SLC7A13: variants seen among roughly 807,000 people sequenced by gnomAD.
SLC7A13 encodes X-amino acid transporter 2.
In SLC7A13, 31 loss-of-function variants were observed where a neutral mutation model predicts 32.0. The observed-to-expected ratio is 0.97, with a 90% CI of 0.73 to 1.31. The LOEUF is 1.31. SLC7A13 is among the 50% of genes most tolerant of loss of function. The probability of loss-of-function intolerance (pLI) is 0.00; values close to 1 mark genes in which losing one functional copy is unlikely to be tolerated. For missense variants in SLC7A13, 633 were observed against 546.9 expected (o/e 1.16, Z -1.57); for synonymous variants, 232 against 206.9 (o/e 1.12, Z -1.04).
rs1200579727 is a variant in SLC7A13 at position 86,217,508 on chromosome 8, G to A, written c.1141C>T (p.Arg381Trp). The A allele has an allele frequency of 5.4e-5, 87 of 1,598,178 alleles. No homozygotes were observed. The highest frequency in any genetic ancestry group is 1.8e-4 in the Middle Eastern group (1 of 5,620). ...GATAGATTGGGTTCCTGGTATCTCC[G>A]CCTTAGTATTCCTATCATTAATAAT... Reference protein sequence around the residue: ...SILLMIGILRRRYQEPNLSIP... With the variant: ...SILLMIGILRWRYQEPNLSIP... Residue 381 changes from arginine to tryptophan, a missense_variant, in exon 3 of 4, where the codon CGG becomes TGG. Coordinates refer to ENST00000297524, the MANE Select transcript of SLC7A13 (RefSeq NM_138817.3).
chr8:86,224,988 CA>C (rs34643723), intron 1 of SLC7A13, among the ~76,000 whole-genome samples: 19,160 of 151,962 alleles, frequency 0.13, 1,432 homozygotes, highest in Admixed American at 0.2. Context: ...CTAGGCCTCC[CA>C]AAGTGCAGAT....
intron 2 of SLC7A13, among the ~76,000 whole-genome samples, chr8:86,220,496 A>G (rs983923731): frequency 1.3e-5 from 2 of 152,126 alleles, no homozygotes; most frequent in Non-Finnish European, 2.9e-5. Context: ...CATGATTAAT[A>G]CCATTCTTTC....
chr8:86,224,310 C>T (rs1820353829), intron 1 of SLC7A13, among the ~76,000 whole-genome samples: 1 of 152,070 alleles, frequency 6.6e-6, no homozygotes, highest in Admixed American at 6.6e-5. Flanking sequence ...ATGTTCTTTC[C>T]TAGTTGCCTA....
In SLC7A13 at chr8:86,228,846, C is replaced by CA. The variant is rs756084961; in HGVS notation, c.685+746dup. Among the ~76,000 whole-genome samples the CA allele has an allele frequency of 2.5e-3, 348 of 138,316 alleles. 3 individuals are homozygous for CA. The highest frequency in any genetic ancestry group is 7.2e-3 in the Middle Eastern group (2 of 278). The allele number at this position is 138,316 out of a possible 152,430, so 90.7% of individuals were successfully genotyped here. A position where few individuals can be genotyped will look rare whatever the true frequency, so the allele number is the denominator to read the frequency against. On this transcript the variant is annotated intron_variant, in intron 1 of 3. Coordinates refer to ENST00000297524, the MANE Select transcript of SLC7A13 (RefSeq NM_138817.3). ...GGGCAACAAGAGGAAAACTCTGTCT[C>CA]AAAAAAAAAAAAAATCTGAGGAGAG...
Position 86,230,290 on chromosome 8 carries a change from GT to G in SLC7A13, c.-14del. Reference sequence around the variant, plus strand: ...CCCCTCTATCCATTGTAATTGAAGAGTTTTAAAATTCTATATAAATTACAAT... The same window carrying G: ...CCCCTCTATCCATTGTAATTGAAGAGTTTAAAATTCTATATAAATTACAAT... On this transcript the variant is annotated 5_prime_UTR_variant, in exon 1 of 4. Coordinates refer to ENST00000297524, the MANE Select transcript of SLC7A13 (RefSeq NM_138817.3). The G allele has an allele frequency of 1.3e-6, 2 of 1,522,984 alleles. No homozygotes were observed. The highest frequency in any genetic ancestry group is 1.8e-6 in the Non-Finnish European group (2 of 1,137,868). The allele number at this position is 1,522,984 out of a possible 1,614,324, so 94.3% of individuals were successfully genotyped here. A position where few individuals can be genotyped will look rare whatever the true frequency, so the allele number is the denominator to read the frequency against.
Position 86,223,084 on chromosome 8 carries a change from TC to T in SLC7A13, c.704del (p.Arg235LysfsTer15). 1.2e-6 allele frequency: 2 copies of T among 1,601,650 alleles called. No homozygotes were observed. The highest frequency in any genetic ancestry group is 1.7e-6 in the Non-Finnish European group (2 of 1,174,314). On this transcript the variant is annotated frameshift_variant, in exon 2 of 4. Coordinates refer to ENST00000297524, the MANE Select transcript of SLC7A13 (RefSeq NM_138817.3). LOFTEE classifies it high-confidence loss of function. ...TAAATATGCATTTGGGAATTGTTGTTCTGGGCTTCTTCAGCTCCCCTATAAC... is the reference window on the plus strand; with the variant it reads ...TAAATATGCATTTGGGAATTGTTGTTTGGGCTTCTTCAGCTCCCCTATAAC... ...TLIAGELKKP[R>X]TTIPKCIFTA... is the part of the protein sequence containing the mutation.
At chr8:86,226,458 A>T (rs1413176871) in intron 1 of SLC7A13, among the ~76,000 whole-genome samples, 45 of 152,180 alleles carry the variant, frequency 3.0e-4, no homozygotes, top group Non-Finnish European at 4.4e-5. Context: ...AGTCCTCATG[A>T]TCCTTGACTT....
intron 3 of SLC7A13, among the ~76,000 whole-genome samples, chr8:86,215,969 C>T (rs1002389940): frequency 3.3e-5 from 5 of 152,120 alleles, no homozygotes; most frequent in African/African-American, 7.2e-5. Flanking sequence ...TACTTAATAC[C>T]TCCAACGTTA....
At position 86,214,192 on chromosome 8, in the gene SLC7A13, G is replaced by T. The variant is rs911390820; in HGVS notation, c.*221C>A. Reference sequence around the variant, plus strand: ...TCAAGCTACGCAAACCAGGACTTAAGTTTTTTACCATGCGAAGCAGAGCTT... The same window carrying T: ...TCAAGCTACGCAAACCAGGACTTAATTTTTTTACCATGCGAAGCAGAGCTT... On this transcript the variant is annotated 3_prime_UTR_variant, in exon 4 of 4. Transcript: ENST00000297524. The T allele has an allele frequency of 1.5e-5, 6 of 390,366 alleles. No individual in the cohort carries two copies. Among genetic ancestry groups the T allele is most frequent in the Non-Finnish European group, 2.7e-5 (6 of 219,064 alleles). The allele number at this position is 390,366 out of a possible 1,614,324, so 24.2% of individuals were successfully genotyped here.
intron 2 of SLC7A13, among the ~76,000 whole-genome samples, chr8:86,221,952 G>A (rs909408414): frequency 2.0e-5 from 3 of 152,046 alleles, no homozygotes; most frequent in African/African-American, 7.2e-5. Context: ...CATAATCAAG[G>A]TAGTTAATAA....
chr8:86,229,544 G>T, intron 1 of SLC7A13, 49 bp downstream of exon 1: 3 of 1,412,878 alleles, frequency 2.1e-6, no homozygotes, highest in Non-Finnish European at 2.9e-6. Context: ...ATTTCATATT[G>T]TATGCAATAA....
At chr8:86,228,615 G>T (rs948317060) in intron 1 of SLC7A13, among the ~76,000 whole-genome samples, 2 of 152,056 alleles carry the variant, frequency 1.3e-5, no homozygotes, top group African/African-American at 4.8e-5. Flanking sequence ...GGAGGCAGAG[G>T]CGGGTGGCTC....
chr8:86,223,560 T>A (rs1230386037), intron 1 of SLC7A13, among the ~76,000 whole-genome samples: 2 of 152,102 alleles, frequency 1.3e-5, no homozygotes, highest in Non-Finnish European at 2.9e-5. Flanking sequence ...ACTAGTGTTG[T>A]GATAAACATG....
intron 2 of SLC7A13, among the ~76,000 whole-genome samples, chr8:86,220,322 A>G (rs1820272688): frequency 6.6e-6 from 1 of 152,120 alleles, no homozygotes; most frequent in Non-Finnish European, 1.5e-5. Flanking sequence ...CAAAGCTGGG[A>G]CAGGGCTCCT....
chr8:86,225,025 T>A (rs2129801961), intron 1 of SLC7A13, among the ~76,000 whole-genome samples: 1 of 152,226 alleles, frequency 6.6e-6, no homozygotes, highest in Admixed American at 6.5e-5. Flanking sequence ...CCATGTCCAG[T>A]CTGCTTCCCT....
chr8:86,214,692 G>T, intron 3 of SLC7A13, 46 bp from the exon 4 acceptor site: 1 of 1,315,052 alleles, frequency 7.6e-7, no homozygotes, highest in Non-Finnish European at 1.1e-6. Flanking sequence ...GAACATCCAT[G>T]AATGATACCT....
In SLC7A13 at chr8:86,223,043, A is replaced by G; in HGVS notation, c.746T>C (p.Val249Ala). Reference sequence around the variant, plus strand: ...GTTAACCAGTAAATAAACTACAGTCACCAGAGGTAACGCAGTAAATATGCA... The same window carrying G: ...GTTAACCAGTAAATAAACTACAGTCGCCAGAGGTAACGCAGTAAATATGCA... ...PKCIFTALPL[V>A]TVVYLLVNIS... is the part of the protein sequence containing the mutation. The change falls in exon 2 of 4, where the codon GTG becomes GCG. Residue 249 changes from valine to alanine, a missense_variant. By Grantham distance (64) the Val-to-Ala change is moderately conservative (BLOSUM62 0). Transcript: ENST00000297524. 8 of 1,608,690 alleles carry G rather than the reference A, an allele frequency of 5.0e-6. No individual in the cohort carries two copies. The highest frequency in any genetic ancestry group is 6.8e-6 in the Non-Finnish European group (8 of 1,177,460).
chr8:86,217,786 G>A lies in SLC7A13; in HGVS notation c.863C>T (p.Ala288Val), dbSNP rs1820216240. The change falls in exon 3 of 4, where the codon GCA (alanine) becomes GTA (valine). Residue 288 changes from alanine (A) to valine (V), a missense_variant. Ala to Val is a moderately conservative substitution (Grantham distance 64). Transcript: ENST00000297524. ...AGAAATAGCAAAAGGCATAATCCATGCTAATGAGGGAAAAGCTCGATCAGC... is the reference window on the plus strand; with the variant it reads ...AGAAATAGCAAAAGGCATAATCCATACTAATGAGGGAAAAGCTCGATCAGC... ...TWADRAFPSL[A>V]WIMPFAISTS... 6.2e-7 allele frequency: 1 copy of A among 1,606,392 alleles called. No homozygotes were observed. The highest frequency in any genetic ancestry group is 1.3e-5 in the African/African-American group (1 of 74,560).
chr8:86,230,005 C>T lies in SLC7A13; in HGVS notation c.273G>A (p.Thr91=), dbSNP rs753682037. The T allele has an allele frequency of 4.1e-5, 66 of 1,614,006 alleles. No homozygotes were observed. Among genetic ancestry groups the T allele is most frequent in the African/African-American group, 5.3e-5 (4 of 74,926 alleles). ...ATGTCCAGAGATTCAAAAAAGCAAC[C>T]GTGGAGCCAAAGTATCTCTTGAGAA... ...YYFLKRYFGS[T]VAFLNLWTSL... The change falls in exon 1 of 4, where the codon ACG becomes ACA. Residue 91 remains threonine (T), a synonymous_variant. Transcript: ENST00000297524.
Sources: gnomAD v4.1 joint callset for allele counts (sites outside exome capture counted in the v4.1 genomes callset) on GRCh38, gnomAD v4.1.1 for gene constraint, MANE v1.5 for transcripts, NCBI Gene and HGNC (gene_info 2026-07-23, HGNC 2026-07-21) for gene names.